The following RNASEH2B variants were observed in gnomAD, a reference collection of about 807,000 sequenced individuals.
RNASEH2B encodes Aicardi-Goutieres syndrome 2 protein.
A neutral mutation model predicts 45.0 loss-of-function variants in RNASEH2B; 36 were observed. The ratio of observed to expected loss-of-function variants is 0.80; its 90% confidence interval spans 0.61 to 1.06. The LOEUF (loss-of-function observed/expected upper bound fraction) is 1.06, where lower values mean the gene tolerates loss of function less well. RNASEH2B is among the 50% of genes least tolerant of loss of function. The pLI is 0.00. For missense variants in RNASEH2B, 361 were observed against 360.3 expected (o/e 1.00, Z -0.02); for synonymous variants, 119 against 125.7 (o/e 0.95, Z 0.35).
intron 1 of RNASEH2B, chr13:50,910,416 G>A (rs557994208): frequency 2.7e-4 from 90 of 328,382 alleles, no homozygotes; most frequent in African/African-American, 1.7e-3. Flanking sequence ...CCTGAGGGGA[G>A]CCACGCGGGT....
chr13:50,948,186 C>T (rs1951930121), intron 8 of RNASEH2B, 118 bp downstream of exon 8: 2 of 1,511,066 alleles, frequency 1.3e-6, no homozygotes, highest in Non-Finnish European at 1.8e-6. Flanking sequence ...TATTCTTCAG[C>T]TATGTCATAT....
chr13:50,943,212 G>T lies in RNASEH2B; in HGVS notation c.437-109G>T, dbSNP rs577412841. 4.4e-5 allele frequency: 32 copies of T among 727,876 alleles called. No individual in the cohort carries two copies. In the East Asian group the frequency reaches 8.3e-4, roughly 19 times the overall value. The allele number at this position is 727,876 out of a possible 1,614,324, so 45.1% of individuals were successfully genotyped here. ...CAGGTTTGTAAATTAAGCTTTTCAA[G>T]AATTTAAACTTACAAAATATTCTTT... On this transcript the variant is annotated intron_variant, in intron 5 of 10. Transcript: ENST00000336617.
chr13:50,957,997 T>C (rs1484748493), downstream of RNASEH2B, among the ~76,000 whole-genome samples: 3 of 152,206 alleles, frequency 2.0e-5, no homozygotes, highest in African/African-American at 7.2e-5. Flanking sequence ...AGATTCTGGA[T>C]GTTAGTCTTT....
intron 1 of RNASEH2B, among the ~76,000 whole-genome samples, chr13:50,924,633 A>C (rs1174242538): frequency 6.6e-6 from 1 of 152,138 alleles, no homozygotes; most frequent in Non-Finnish European, 1.5e-5. Flanking sequence ...GTCACAGCTC[A>C]CTGCAGCTTT....
At chr13:50,957,945 A>T (rs115740399), downstream of RNASEH2B, among the ~76,000 whole-genome samples, 1,192 of 152,062 alleles carry the variant, frequency 7.8e-3, 21 homozygotes, top group African/African-American at 0.028. Context: ...CTACCTTTTA[A>T]TGGGGTTATT....
At chr13:50,955,207 T>G (rs1952028885) in intron 10 of RNASEH2B, 1 of 152,232 alleles carries the variant, frequency 6.6e-6, no homozygotes, top group Admixed American at 6.5e-5. Flanking sequence ...CAAGATAAGT[T>G]AACTTTCACT....
chr13:50,938,217 T>G (rs1951783683), intron 5 of RNASEH2B: 1 of 152,178 alleles, frequency 6.6e-6, no homozygotes, highest in South Asian at 2.1e-4. Flanking sequence ...ACACAATATG[T>G]TCAAGACCAA....
intron 3 of RNASEH2B, among the ~76,000 whole-genome samples, chr13:50,929,869 G>T (rs1474310403): frequency 1.3e-5 from 2 of 152,096 alleles, no homozygotes; most frequent in Non-Finnish European, 2.9e-5. Context: ...TTGTACATGG[G>T]GCACATATTG....
At chr13:50,924,064 C>G (rs1244328079) in intron 1 of RNASEH2B, among the ~76,000 whole-genome samples, 5 of 151,982 alleles carry the variant, frequency 3.3e-5, no homozygotes, top group African/African-American at 1.2e-4. Context: ...AAAATGGTAC[C>G]CTAGAAAACA....
chr13:50,964,861 C>T (rs1321326016), intron 9 of RNASEH2B, among the ~76,000 whole-genome samples: 1 of 152,156 alleles, frequency 6.6e-6, no homozygotes, highest in African/African-American at 2.4e-5. Context: ...TCTGAATCTT[C>T]ACAGGACTGG....
intron 8 of RNASEH2B, 123 bp from the exon 9 acceptor site, chr13:50,949,340 G>T (rs1022619408): frequency 3.8e-6 from 3 of 791,516 alleles, no homozygotes; most frequent in Middle Eastern, 2.9e-4. Flanking sequence ...TGAACAGGAA[G>T]ATATATGGAG....
intron 1 of RNASEH2B, 188 bp from the exon 2 acceptor site, chr13:50,927,219 C>A: frequency 1.9e-6 from 1 of 517,436 alleles, no homozygotes; most frequent in South Asian, 2.0e-5. Flanking sequence ...ATTTAAACTA[C>A]CTGAAATTCA....
In RNASEH2B at chr13:50,930,662, CAT is replaced by C. The variant is rs2137937744; in HGVS notation, c.245-20_245-19del. 1 of 1,574,108 alleles carries C rather than the reference CAT, an allele frequency of 6.4e-7. No homozygotes were observed. Among genetic ancestry groups the C allele is most frequent in the Non-Finnish European group, 8.7e-7 (1 of 1,143,736 alleles). ...TCTTTCCAAGACGTTTAATTCCCTTCATCCTTTTTGTAATCTGCAGGAGGTCT... is the reference window on the plus strand; with the variant it reads ...TCTTTCCAAGACGTTTAATTCCCTTCCCTTTTTGTAATCTGCAGGAGGTCT... On this transcript the variant is annotated intron_variant, in intron 3 of 10. Coordinates refer to ENST00000336617, the MANE Select transcript of RNASEH2B (RefSeq NM_024570.4).
rs1879233063 is a variant in RNASEH2B, at chr13:50,909,887, A to C, written c.-190A>C. On this transcript the variant is annotated 5_prime_UTR_variant, in exon 1 of 11. Coordinates refer to ENST00000336617, the MANE Select transcript of RNASEH2B (RefSeq NM_024570.4). ...CCCTCGCCTGGCGCTAAATTTAAAA[A>C]CGTAACACGAGCAGCAGGCTGGTCT... 2.2e-6 allele frequency: 1 copy of C among 465,018 alleles called. No individual in the cohort carries two copies. The allele number at this position is 465,018 out of a possible 1,614,324, so 28.8% of individuals were successfully genotyped here.
chr13:50,934,409 T>C (rs1032045785), intron 4 of RNASEH2B: 7 of 157,474 alleles, frequency 4.4e-5, no homozygotes, highest in African/African-American at 1.4e-4. Flanking sequence ...CTTTTGTATT[T>C]TCTTTTTGTG....
In RNASEH2B at chr13:50,945,540, A is replaced by G; in HGVS notation, c.616+8A>G. ...CTTCCACTGACAAGGAAGGTAAGTA[A>G]AGCATTTTATCAGAAAAGATTTTTG... On this transcript the variant is annotated splice_region_variant and intron_variant, in intron 7 of 10. Coordinates refer to ENST00000336617, the MANE Select transcript of RNASEH2B (RefSeq NM_024570.4). The G allele has an allele frequency of 6.3e-7, 1 of 1,591,630 alleles. No individual in the cohort carries two copies. Among genetic ancestry groups the G allele is most frequent in the Non-Finnish European group, 8.6e-7 (1 of 1,159,720 alleles).
In RNASEH2B at chr13:50,910,036, C is replaced by CGCGGCGCTGAGCCT; in HGVS notation, c.-33_-20dup. The stretch of plus-strand genomic sequence containing the variant: ...TCGGCGGGGCTGGGAGACTGAGGCC[C>CGCGGCGCTGAGCCT]GCGGCGCTGAGCCTGCGGCGCCCCG... On this transcript the variant is annotated 5_prime_UTR_variant, in exon 1 of 11. Coordinates refer to ENST00000336617, the MANE Select transcript of RNASEH2B (RefSeq NM_024570.4). 1 of 1,458,868 alleles carries CGCGGCGCTGAGCCT rather than the reference C, an allele frequency of 6.9e-7. No homozygotes were observed. Among genetic ancestry groups the CGCGGCGCTGAGCCT allele is most frequent in the East Asian group, 3.0e-5 (1 of 33,206 alleles). The allele number at this position is 1,458,868 out of a possible 1,614,324, so 90.4% of individuals were successfully genotyped here.
chr13:50,948,076 T>C lies in RNASEH2B; in HGVS notation c.698+8T>C. The C allele has an allele frequency of 6.2e-7, 1 of 1,610,466 alleles. No homozygotes were observed. The highest frequency in any genetic ancestry group is 1.1e-5 in the South Asian group (1 of 91,038). On this transcript the variant is annotated splice_region_variant and intron_variant, in intron 8 of 10. Coordinates refer to ENST00000336617, the MANE Select transcript of RNASEH2B (RefSeq NM_024570.4). ...CTTATCTAAATACTTAAAGTGAGTA[T>C]TGATTATCTTCAGTCATAATGAAGT...
chr13:50,910,278 G>T lies in RNASEH2B; in HGVS notation c.64+138G>T, dbSNP rs376641184. The T allele has an allele frequency of 6.7e-4, 365 of 544,696 alleles. 2 individuals carry two copies. Among genetic ancestry groups the T allele is most frequent in the African/African-American group, 6.2e-3 (310 of 50,346 alleles). The allele number at this position is 544,696 out of a possible 1,614,324, so 33.7% of individuals were successfully genotyped here. On this transcript the variant is annotated intron_variant, in intron 1 of 10. Coordinates refer to ENST00000336617, the MANE Select transcript of RNASEH2B (RefSeq NM_024570.4). ...GATGGGATTCTCTCTGGGACAGCTG[G>T]CCCCGCATTTTGGTCACACGTCATA...
Sources: allele counts gnomAD v4.1 joint callset (sites outside exome capture counted in the v4.1 genomes callset), GRCh38; gene constraint gnomAD v4.1.1; transcripts MANE v1.5; gene names NCBI Gene and HGNC (gene_info 2026-07-23, HGNC 2026-07-21).